Variants in MED29 observed in about 807,000 individuals in gnomAD.
MED29 encodes the protein mediator complex subunit 29.
Under a neutral mutation model 22.0 loss-of-function variants are expected in MED29, and 14 were observed. That is an observed-to-expected ratio of 0.64 (90% CI 0.42 to 0.99). The LOEUF is 0.99. MED29 is among the 50% of genes least tolerant of loss of function. The pLI, the probability that MED29 is intolerant of heterozygous loss-of-function variation, is 0.00. For synonymous variants in MED29, 123 were observed against 107.8 expected, an observed-to-expected ratio of 1.14 and a Z score of -0.87; for missense variants, 241 against 253.7, an observed-to-expected ratio of 0.95 and a Z score of 0.34.
intron 2 of MED29, among the ~76,000 whole-genome samples, chr19:39,393,081 C>CTTTTTTTTTTTTTT (rs142198224): frequency 8.4e-4 from 29 of 34,708 alleles, no homozygotes; most frequent in East Asian, 2.7e-3. Context: ...TCTTTCTTTT[C>CTTTTTTTTTTTTTT]TTTTTTTTTT....
At chr19:39,396,424 G>A (rs1384910768) in intron 3 of MED29, among the ~76,000 whole-genome samples, 1 of 151,066 alleles carries the variant, frequency 6.6e-6, no homozygotes, top group South Asian at 2.1e-4. Context: ...AACAGAGCGA[G>A]ACTGTCTCCA....
In MED29 at chr19:39,391,445, C is replaced by T. The variant is rs368990538; in HGVS notation, c.23C>T (p.Ala8Val). The change falls in exon 1 of 4, where the codon GCT becomes GTT. Residue 8 changes from alanine to valine, a missense_variant. Transcript: ENST00000315588. MAASQQQ[A>V]SAASSAAGVS... ...AAGATGGCTGCATCCCAGCAGCAAG[C>T]TTCAGCGGCTTCCTCAGCTGCTGGT... The T allele has an allele frequency of 1.9e-6, 3 of 1,613,388 alleles. No homozygotes were observed. Among genetic ancestry groups the T allele is most frequent in the South Asian group, 1.1e-5 (1 of 91,066 alleles).
chr19:39,394,944 TCTACTTCCTG>T (rs1329687436), intron 3 of MED29, among the ~76,000 whole-genome samples: 14 of 145,878 alleles, frequency 9.6e-5, no homozygotes, highest in African/African-American at 3.7e-4. Context: ...CACTGCAGCC[TCTACTTCCTG>T]GGCTGAAGTG....
chr19:39,391,542 C>T lies in MED29; in HGVS notation c.120C>T (p.Gly40=). Residue 40 remains glycine, a synonymous_variant, in exon 1 of 4, where the codon GGC becomes GGT. Coordinates refer to ENST00000315588, the MANE Select transcript of MED29 (RefSeq NM_017592.4). ...CGCAACCGCCAGCACAACTGGTGGG[C>T]CCTGCCCAGAGCGGCCTCCTGCAGC... is the stretch of plus-strand genomic sequence containing the variant. ...QQPQPPAQLV[G]PAQSGLLQQQ... 2 of 1,613,756 alleles carry T rather than the reference C, an allele frequency of 1.2e-6. No individual in the cohort carries two copies. Among genetic ancestry groups the T allele is most frequent in the Non-Finnish European group, 1.7e-6 (2 of 1,179,994 alleles).
At chr19:39,397,037 A>AAG (rs1568379676) in intron 3 of MED29, among the ~76,000 whole-genome samples, 2 of 150,660 alleles carry the variant, frequency 1.3e-5, no homozygotes, top group African/African-American at 2.5e-5. Flanking sequence ...TCAAAAAAAA[A>AAG]AAAGAAAGTA....
rs1260298163 is a variant in MED29, at chr19:39,400,045, TATATC to T, written c.*2348_*2352del. On this transcript the variant is annotated 3_prime_UTR_variant, in exon 4 of 4. Transcript: ENST00000315588. ...GACAGTAAATGTGACAAAAGTAAAA[TATATC>T]AGATGGTGAGAAAACAGAAAAATGA... 1.3e-5 allele frequency: 2 copies of T among 152,038 alleles called. No homozygotes were observed. The highest frequency in any genetic ancestry group is 3.8e-4 in the East Asian group (2 of 5,198). The allele number at this position is 152,038 out of a possible 1,614,324, so 9.4% of individuals were successfully genotyped here.
chr19:39,392,622 TAC>T (rs1491539440), intron 2 of MED29, 100 bp downstream of exon 2: 11 of 857,840 alleles, frequency 1.3e-5, no homozygotes, highest in South Asian at 8.0e-5. Context: ...CTTCTATATT[TAC>T]TTTTTTTTTT....
rs2078410400 is a variant in MED29 at position 39,393,404 on chromosome 19, T to C, written c.276-149T>C. ...AGCCACCGTGCCCAGCCTCCTTTTC[T>C]TTTTTTTTGAACCCCTCCGGTTTTC... On this transcript the variant is annotated intron_variant, in intron 2 of 3. Coordinates refer to ENST00000315588, the MANE Select transcript of MED29 (RefSeq NM_017592.4). 10 of 643,594 alleles carry C rather than the reference T, an allele frequency of 1.6e-5. No individual in the cohort carries two copies. The South Asian group carries it at 1.9e-4, about 12-fold the overall frequency. The allele number at this position is 643,594 out of a possible 1,614,324, so 39.9% of individuals were successfully genotyped here.
At chr19:39,394,036 T>G (rs1050597978) in intron 3 of MED29, among the ~76,000 whole-genome samples, 2 of 152,020 alleles carry the variant, frequency 1.3e-5, no homozygotes, top group Non-Finnish European at 2.9e-5. Flanking sequence ...TGACCAAGTC[T>G]GAAACAAAGA....
At position 39,400,430 on chromosome 19, in the gene MED29, T is replaced by A. The variant is rs1304612090; in HGVS notation, c.*2731T>A. On this transcript the variant is annotated 3_prime_UTR_variant, in exon 4 of 4. Transcript: ENST00000315588. ...CAGCAAAATACTCATTTTTTAAGTG[T>A]AATTAAGTTGAAGATCAAAAAATGG... 2 of 152,164 alleles carry A rather than the reference T, an allele frequency of 1.3e-5. No homozygotes were observed. Among genetic ancestry groups the A allele is most frequent in the Admixed American group, 1.3e-4 (2 of 15,278 alleles). The allele number at this position is 152,164 out of a possible 1,614,324, so 9.4% of individuals were successfully genotyped here.
chr19:39,396,284 C>T (rs1483185639), intron 3 of MED29, among the ~76,000 whole-genome samples: 1 of 151,984 alleles, frequency 6.6e-6, no homozygotes, highest in Non-Finnish European at 1.5e-5. Context: ...ACTAAAAATA[C>T]AAAAATTAGC....
intron 1 of MED29, 73 bp from the exon 2 acceptor site, chr19:39,392,391 A>G: frequency 7.6e-7 from 1 of 1,309,090 alleles, no homozygotes. Flanking sequence ...ATCTCAAGAA[A>G]GAGTGTAGAT....
chr19:39,396,338 G>A (rs955256841), intron 3 of MED29, among the ~76,000 whole-genome samples: 17 of 150,822 alleles, frequency 1.1e-4, no homozygotes, highest in African/African-American at 3.9e-4. Flanking sequence ...ACTTGGATGA[G>A]ACAAGAGAAT....
In MED29 at chr19:39,400,511, A is replaced by G. The variant is rs2078456587; in HGVS notation, c.*2812A>G. 2 of 152,264 alleles carry G rather than the reference A, an allele frequency of 1.3e-5. No homozygotes were observed. Among genetic ancestry groups the G allele is most frequent in the Admixed American group, 1.3e-4 (2 of 15,286 alleles). 9.4% of individuals were successfully genotyped at this position (152,264 alleles called of 1,614,324 possible). Reference sequence around the variant, plus strand: ...CTAACACATGAAATGTAACATCTGCATATGGAGAATCGTGTTACTTTATTG... The same window carrying G: ...CTAACACATGAAATGTAACATCTGCGTATGGAGAATCGTGTTACTTTATTG... On this transcript the variant is annotated 3_prime_UTR_variant, in exon 4 of 4. Coordinates refer to ENST00000315588, the MANE Select transcript of MED29 (RefSeq NM_017592.4).
intron 3 of MED29, 95 bp from the exon 4 acceptor site, chr19:39,397,362 C>T: frequency 7.2e-7 from 1 of 1,393,540 alleles, no homozygotes; most frequent in Non-Finnish European, 9.8e-7. Flanking sequence ...CTGGGAAATC[C>T]AGAGGCCAAG....
rs774747683 is a variant in MED29 at position 39,397,684 on chromosome 19, TG to T, written c.593del (p.Gly198AlafsTer23). 10 of 1,609,744 alleles carry T rather than the reference TG, an allele frequency of 6.2e-6. No individual in the cohort carries two copies. The highest frequency in any genetic ancestry group is 6.8e-6 in the Non-Finnish European group (8 of 1,179,644). ...AGACACCCGCACCACCTGCTGGCCC[TG>T]GGGGCACTCTGTGAAGTGGGGGACA... is the stretch of plus-strand genomic sequence containing the variant. ...GKTPAPPAGPGGTL is the reference protein window; with the variant it reads ...GKTPAPPAGPXGTL On this transcript the variant is annotated frameshift_variant, in exon 4 of 4. Transcript: ENST00000315588. LOFTEE classifies it high-confidence loss of function.
Position 39,391,422 on chromosome 19 carries a change from G to C in MED29, c.-1G>C, listed in dbSNP as rs765711223. 4.3e-6 allele frequency: 7 copies of C among 1,612,232 alleles called. No individual in the cohort carries two copies. The Middle Eastern group carries it at 8.3e-4, about 190-fold the overall frequency. ...CACTTCCGGCGGTCTACGCGAGGAA[G>C]ATGGCTGCATCCCAGCAGCAAGCTT... is the stretch of plus-strand genomic sequence containing the variant. On this transcript the variant is annotated 5_prime_UTR_variant, in exon 1 of 4. Coordinates refer to ENST00000315588, the MANE Select transcript of MED29 (RefSeq NM_017592.4).
intron 2 of MED29, chr19:39,392,924 T>C (rs1347428565): frequency 1.1e-5 from 2 of 174,412 alleles, no homozygotes; most frequent in Non-Finnish European, 2.4e-5. Context: ...ATTTTTGTTG[T>C]TGTTTTGTAG....
intron 3 of MED29, among the ~76,000 whole-genome samples, chr19:39,394,187 G>A (rs369147626): frequency 2.0e-5 from 3 of 152,066 alleles, no homozygotes; most frequent in South Asian, 2.1e-4. Flanking sequence ...TAGATTATGC[G>A]TGTAAACTGC....
Sources: allele counts gnomAD v4.1 joint callset (sites outside exome capture counted in the v4.1 genomes callset), GRCh38; gene constraint gnomAD v4.1.1; transcripts MANE v1.5; gene names NCBI Gene and HGNC (gene_info 2026-07-23, HGNC 2026-07-21).